Variants in FDXR observed in about 807,000 individuals in gnomAD.
The protein encoded by FDXR is NADPH:adrenodoxin oxidoreductase, mitochondrial.
Under a neutral mutation model 58.3 loss-of-function variants are expected in FDXR, and 38 were observed. The observed-to-expected ratio is 0.65, with a 90% CI of 0.50 to 0.85. The LOEUF is 0.85. FDXR is among the 40% of genes least tolerant of loss of function. The pLI is 0.00. For synonymous variants in FDXR, 275 were observed against 273.8 expected (o/e 1.00, Z -0.04); for missense variants, 624 against 671.0 (o/e 0.93, Z 0.77).
intron 1 of FDXR, 146 bp from the exon 2 acceptor site, chr17:74,872,279 A>G (rs1291807583): frequency 2.6e-6 from 4 of 1,537,236 alleles, no homozygotes; most frequent in Non-Finnish European, 3.5e-6. Flanking sequence ...AGGCTTTGGC[A>G]TTTGCAGGGT....
At chr17:74,867,922 G>A (rs774210707) in intron 2 of FDXR, among the ~76,000 whole-genome samples, 16 of 152,124 alleles carry the variant, frequency 1.1e-4, no homozygotes, top group African/African-American at 3.4e-4. Context: ...GCCACAGGCC[G>A]GTTAGCAGTA....
chr17:74,870,623 C>CA (rs2038344881), intron 2 of FDXR, among the ~76,000 whole-genome samples: 1 of 149,808 alleles, frequency 6.7e-6, no homozygotes, highest in Non-Finnish European at 1.5e-5. Flanking sequence ...CAAAGCCCTT[C>CA]AGGGCCTCTC....
intron 2 of FDXR, among the ~76,000 whole-genome samples, chr17:74,870,797 CTTTTTTTTTT>C (rs200476203): frequency 1.1e-5 from 1 of 88,462 alleles, no homozygotes; most frequent in African/African-American, 4.2e-5. Flanking sequence ...CACTGTCTCT[CTTTTTTTTTT>C]TTTTTTTTTT....
intron 2 of FDXR, among the ~76,000 whole-genome samples, chr17:74,869,467 C>A (rs1002208991): frequency 6.6e-6 from 1 of 152,198 alleles, no homozygotes; most frequent in Admixed American, 6.5e-5. Flanking sequence ...CTCTCACCTC[C>A]TCACGCCTTA....
chr17:74,872,668 C>T (rs1007209516), intron 1 of FDXR, 198 bp downstream of exon 1: 55 of 1,218,696 alleles, frequency 4.5e-5, no homozygotes, highest in Admixed American at 1.3e-4. Context: ...TGTTGACCTC[C>T]GTCTCTAACC....
At chr17:74,872,834 C>A in intron 1 of FDXR, 32 bp downstream of exon 1, 1 of 1,544,368 alleles carries the variant, frequency 6.5e-7, no homozygotes, top group South Asian at 1.2e-5. Flanking sequence ...TCCCCGCGCT[C>A]CCATCCAGCC....
chr17:74,872,097 G>A lies in FDXR; in HGVS notation c.116C>T (p.Pro39Leu). 6.2e-7 allele frequency: 1 copy of A among 1,607,760 alleles called. No homozygotes were observed. Among genetic ancestry groups the A allele is most frequent in the Non-Finnish European group, 8.5e-7 (1 of 1,176,736 alleles). ...CHHFSTQEKT[P>L]QICVVGSGPA... ...GCCACTGCCCACCACACAGATCTGG[G>A]GGGTCTTCTCCTGTGTGGAGAAATG... The change falls in exon 2 of 12, where the codon CCC (proline) becomes CTC (leucine). Residue 39 changes from proline to leucine, a missense_variant. Coordinates refer to ENST00000293195, the MANE Select transcript of FDXR (RefSeq NM_024417.5).
intron 2 of FDXR, among the ~76,000 whole-genome samples, chr17:74,869,424 A>T (rs1049042471): frequency 6.6e-6 from 1 of 152,118 alleles, no homozygotes; most frequent in Non-Finnish European, 1.5e-5. Context: ...CAAGCCCCCC[A>T]GGATCTGGGT....
intron 10 of FDXR, 58 bp from the exon 11 acceptor site, chr17:74,863,304 T>C: frequency 1.3e-6 from 2 of 1,492,516 alleles, no homozygotes; most frequent in Non-Finnish European, 1.8e-6. Context: ...ACCCTGGCCA[T>C]CCTGTGCCCA....
In FDXR at chr17:74,863,140, A is replaced by G; in HGVS notation, c.1281T>C (p.Ala427=). The change falls in exon 11 of 12, where the codon GCT becomes GCC. Residue 427 remains alanine, a synonymous_variant. Coordinates refer to ENST00000293195, the MANE Select transcript of FDXR (RefSeq NM_024417.5). ...TGQMLLQDLK[A]GLLPSGPRPG... ...GCCTGGGGCCAGAGGGGAGCAACCC[A>G]GCCTTCAGGTCCTGCAGCAGCATCT... The G allele has an allele frequency of 6.2e-7, 1 of 1,613,766 alleles. No individual in the cohort carries two copies. The highest frequency in any genetic ancestry group is 8.5e-7 in the Non-Finnish European group (1 of 1,179,982).
intron 10 of FDXR, among the ~76,000 whole-genome samples, chr17:74,863,471 GA>G (rs1487096078): frequency 2.0e-5 from 3 of 152,192 alleles, no homozygotes; most frequent in African/African-American, 7.2e-5. Context: ...TAGATGAGGG[GA>G]TCCCTAAGCT....
At position 74,862,933 on chromosome 17, in the gene FDXR, A is replaced by G; in HGVS notation, c.1360T>C (p.Ser454Pro). The G allele has an allele frequency of 6.2e-7, 1 of 1,612,264 alleles. No homozygotes were observed. The highest frequency in any genetic ancestry group is 8.5e-7 in the Non-Finnish European group (1 of 1,179,926). Residue 454 changes from serine to proline, a missense_variant, in exon 12 of 12, where the codon TCT (serine) becomes CCT (proline). Coordinates refer to ENST00000293195, the MANE Select transcript of FDXR (RefSeq NM_024417.5). ...LLSSRGVRPV[S>P]FSDWEKLDAE... ...TCCAGCTTCTCCCAGTCTGAGAAAG[A>G]GACTGGCCGGACCCCTGAAGCAGAG...
intron 1 of FDXR, 40 bp downstream of exon 1, chr17:74,872,826 C>T (rs1290938649): frequency 6.5e-7 from 1 of 1,543,388 alleles, no homozygotes; most frequent in East Asian, 2.4e-5. Flanking sequence ...CGCAGGCCTC[C>T]CCGCGCTCCC....
intron 2 of FDXR, among the ~76,000 whole-genome samples, chr17:74,867,643 G>A (rs2038237843): frequency 6.6e-6 from 1 of 152,112 alleles, no homozygotes; most frequent in South Asian, 2.1e-4. Flanking sequence ...GGTGGAAATG[G>A]GCCTGCTCCC....
chr17:74,864,746 G>C, intron 7 of FDXR, 78 bp downstream of exon 7: 1 of 1,588,570 alleles, frequency 6.3e-7, no homozygotes, highest in Non-Finnish European at 8.6e-7. Flanking sequence ...ACTCCCAGGG[G>C]CTCTGCCCCA....
intron 1 of FDXR, chr17:74,872,645 TCCTTTTCA>T: frequency 2.0e-6 from 2 of 1,016,252 alleles, no homozygotes; most frequent in Non-Finnish European, 1.4e-6. Flanking sequence ...TCAAAGTCTC[TCCTTTTCA>T]CCTTTGTTGA....
At chr17:74,870,024 G>A in intron 2 of FDXR, 1 of 442,842 alleles carries the variant, frequency 2.3e-6, no homozygotes, top group Admixed American at 2.4e-5. Context: ...CTCAGTGCCT[G>A]ACTCAAGCTA....
At chr17:74,863,861 A>G (rs1222162303) in intron 10 of FDXR, 35 bp downstream of exon 10, 8 of 1,592,892 alleles carry the variant, frequency 5.0e-6, no homozygotes, top group East Asian at 2.2e-5. Context: ...GCCTCTCACC[A>G]TAATTCAGCA....
intron 2 of FDXR, among the ~76,000 whole-genome samples, chr17:74,870,360 T>C (rs1447561739): frequency 6.6e-6 from 1 of 151,548 alleles, no homozygotes; most frequent in African/African-American, 2.4e-5. Flanking sequence ...CAACCAAAAA[T>C]ACAAAAATTA....
Sources: allele counts gnomAD v4.1 joint callset (sites outside exome capture counted in the v4.1 genomes callset), GRCh38; gene constraint gnomAD v4.1.1; transcripts MANE v1.5; gene names NCBI Gene and HGNC (gene_info 2026-07-23, HGNC 2026-07-21).